Variants in BACE1 observed in about 807,000 individuals in gnomAD.
BACE1 encodes the protein beta-secretase 1.
Under a neutral mutation model 54.0 loss-of-function variants are expected in BACE1, and 21 were observed. That is an observed-to-expected ratio of 0.39 (90% CI 0.28 to 0.56). BACE1 has a LOEUF of 0.56. BACE1 is among the 20% of genes least tolerant of loss of function. BACE1 has a pLI of 0.63. For missense variants in BACE1, 511 were observed against 661.2 expected (o/e 0.77, Z 2.49); for synonymous variants, 232 against 260.9 (o/e 0.89, Z 1.07).
intron 6 of BACE1, 41 bp from the exon 7 acceptor site, chr11:117,291,090 T>TTTATCATCTCGCCCC (rs779720135): frequency 7.5e-6 from 12 of 1,603,904 alleles, no homozygotes; most frequent in South Asian, 5.5e-5. Flanking sequence ...GAAAAGCCTC[T>TTTATCATCTCGCCCC]TTATCATCTC....
chr11:117,307,351 G>A (rs144489045), intron 1 of BACE1, among the ~76,000 whole-genome samples: 87 of 152,186 alleles, frequency 5.7e-4, no homozygotes, highest in Non-Finnish European at 6.8e-4. Flanking sequence ...TCCCCCTGTC[G>A]CCCAGGCTGG....
Position 117,295,360 on chromosome 11 carries a change from G to C in BACE1, c.351-13C>G, listed in dbSNP as rs748357887. 5 of 1,609,726 alleles carry C rather than the reference G, an allele frequency of 3.1e-6. No homozygotes were observed. The highest frequency in any genetic ancestry group is 1.7e-4 in the Middle Eastern group (1 of 6,046). ...GTATGTGCTGGACCTGTGGAAAGAA[G>C]GCAGAGATCTGTGGATGCATAACCA... On this transcript the variant is annotated splice_polypyrimidine_tract_variant and intron_variant, in intron 2 of 8. Transcript: ENST00000313005.
chr11:117,314,223 G>T (rs2035020413), intron 1 of BACE1, among the ~76,000 whole-genome samples: 1 of 152,182 alleles, frequency 6.6e-6, no homozygotes, highest in Non-Finnish European at 1.5e-5. Flanking sequence ...TTTGCTCAGG[G>T]CCTGGATTTG....
At position 117,286,558 on chromosome 11, in the gene BACE1, A is replaced by G. The variant is rs538659855; in HGVS notation, c.*3008T>C. ...GGGACCTAAAATGCTTACAGGTACT[A>G]GCAGTACATGTCGGATAGCAAAGAC... On this transcript the variant is annotated 3_prime_UTR_variant, in exon 9 of 9. Coordinates refer to ENST00000313005, the MANE Select transcript of BACE1 (RefSeq NM_012104.6). The G allele has an allele frequency of 6.5e-6, 1 of 152,766 alleles. No homozygotes were observed. Among genetic ancestry groups the G allele is most frequent in the Admixed American group, 6.5e-5 (1 of 15,294 alleles). The allele number at this position is 152,766 out of a possible 1,614,324, so 9.5% of individuals were successfully genotyped here.
chr11:117,313,416 G>A (rs1490118043), intron 1 of BACE1, among the ~76,000 whole-genome samples: 1 of 152,108 alleles, frequency 6.6e-6, no homozygotes, highest in East Asian at 1.9e-4. Context: ...GTACAGCAAT[G>A]GATACCCCGT....
rs1315137027 is a variant in BACE1, at chr11:117,289,333, G to A, written c.*233C>T. On this transcript the variant is annotated 3_prime_UTR_variant, in exon 9 of 9. Transcript: ENST00000313005. Reference sequence around the variant, plus strand: ...CGACTTAAATTTGAGGTGACCAAGAGTATTCCCGCCAGCAGAGTGCTTCTT... The same window carrying A: ...CGACTTAAATTTGAGGTGACCAAGAATATTCCCGCCAGCAGAGTGCTTCTT... The A allele has an allele frequency of 6.9e-6, 4 of 578,944 alleles. No homozygotes were observed. In the Admixed American group the frequency reaches 1.3e-4, roughly 18 times the overall value. The allele number at this position is 578,944 out of a possible 1,614,324, so 35.9% of individuals were successfully genotyped here.
At chr11:117,296,835 G>A (rs376591210) in intron 2 of BACE1, 38 bp downstream of exon 2, 185 of 1,507,088 alleles carry the variant, frequency 1.2e-4, no homozygotes, top group Non-Finnish European at 1.1e-4. Context: ...CTGGATCCTT[G>A]GAAAAGGTAC....
intron 5 of BACE1, 91 bp downstream of exon 5, chr11:117,292,963 G>A (rs751571471): frequency 6.7e-6 from 10 of 1,484,612 alleles, no homozygotes; most frequent in Non-Finnish European, 8.3e-6. Flanking sequence ...TATTACCTCT[G>A]CCTCATCCTC....
Position 117,306,037 on chromosome 11 carries a change from AAAAT to A in BACE1, c.262-9080_262-9077del, listed in dbSNP as rs534826950. Among the ~76,000 whole-genome samples the A allele has an allele frequency of 3.9e-5, 6 of 152,282 alleles. No individual in the cohort carries two copies. The East Asian group carries it at 9.7e-4, about 24-fold the overall frequency. ...GGCGACAGAGTGAGACTCCGTCTCAAAAATAAATAAATAAATAAAAATAAAAAAT... is the reference window on the plus strand; with the variant it reads ...GGCGACAGAGTGAGACTCCGTCTCAAAAATAAATAAATAAAAATAAAAAAT... On this transcript the variant is annotated intron_variant, in intron 1 of 8. Transcript: ENST00000313005.
rs765448293 is a variant in BACE1, at chr11:117,289,773, G to C, written c.1299C>G (p.Gly433=). ...HDEFRTAAVE[G]PFVTLDMEDC... ...CTTCCATGTCCAAGGTGACAAAAGG[G>C]CCTTCCACCGCTGCCGTCCTGAACT... The change falls in exon 9 of 9, where the codon GGC becomes GGG. Residue 433 remains glycine (G), a synonymous_variant. Coordinates refer to ENST00000313005, the MANE Select transcript of BACE1 (RefSeq NM_012104.6). 2.5e-6 allele frequency: 4 copies of C among 1,614,076 alleles called. No individual in the cohort carries two copies. In the African/African-American group the frequency reaches 5.3e-5, roughly 22 times the overall value.
chr11:117,291,005 C>T lies in BACE1; in HGVS notation c.987G>A (p.Val329=), dbSNP rs762601859. ...PDGFWLGEQL[V]CWQAGTTPWN... ...AAGGGGTGGTGCCTGCTTGCCAGCA[C>T]ACCAGCTGCTCTCCTAGCCAGAAAC... is the stretch of plus-strand genomic sequence containing the variant. Residue 329 remains valine, a synonymous_variant, in exon 7 of 9, where the codon GTG becomes GTA. Transcript: ENST00000313005. 8.7e-6 allele frequency: 14 copies of T among 1,614,230 alleles called. No homozygotes were observed. The South Asian group carries it at 1.1e-4, about 13-fold the overall frequency.
intron 1 of BACE1, among the ~76,000 whole-genome samples, chr11:117,300,220 A>ATAC (rs1470679686): frequency 6.6e-6 from 1 of 151,656 alleles, no homozygotes; most frequent in Admixed American, 6.6e-5. Flanking sequence ...ACCCACCCCA[A>ATAC]TACTACGATT....
In BACE1 at chr11:117,296,911, G is replaced by A. The variant is rs2034614095; in HGVS notation, c.312C>T (p.Ala104=). The A allele has an allele frequency of 1.2e-6, 2 of 1,613,658 alleles. No individual in the cohort carries two copies. The highest frequency in any genetic ancestry group is 2.7e-5 in the African/African-American group (2 of 74,898). The part of the protein sequence containing the change: ...TGSSNFAVGA[A]PHPFLHRYYQ... The stretch of plus-strand genomic sequence containing the variant: ...AGTAGCGATGCAGGAAGGGGTGGGG[G>A]GCAGCACCCACTGCAAAGTTACTGC... Residue 104 remains alanine (A), a synonymous_variant, in exon 2 of 9, where the codon GCC becomes GCT. Coordinates refer to ENST00000313005, the MANE Select transcript of BACE1 (RefSeq NM_012104.6).
intron 5 of BACE1, chr11:117,292,808 G>T: frequency 4.9e-6 from 2 of 411,136 alleles, no homozygotes; most frequent in Middle Eastern, 7.4e-4. Context: ...ACGAAGCAAG[G>T]CAGTGACTAG....
In BACE1 at chr11:117,285,964, T is replaced by G. The variant is rs2034249524; in HGVS notation, c.*3602A>C. 6.6e-6 allele frequency: 1 copy of G among 152,552 alleles called. No individual in the cohort carries two copies. The highest frequency in any genetic ancestry group is 1.5e-5 in the Non-Finnish European group (1 of 68,020). The allele number at this position is 152,552 out of a possible 1,614,324, so 9.4% of individuals were successfully genotyped here. A position where few individuals can be genotyped will look rare whatever the true frequency, so the allele number is the denominator to read the frequency against. ...TAATCAAGCTCTGACAGGCCAACAT[T>G]GTGAAGTCCTCACCCTTTCCCATTC... On this transcript the variant is annotated 3_prime_UTR_variant, in exon 9 of 9. Coordinates refer to ENST00000313005, the MANE Select transcript of BACE1 (RefSeq NM_012104.6).
In BACE1 at chr11:117,293,019, C is replaced by T; in HGVS notation, c.840+35G>A. On this transcript the variant is annotated intron_variant, in intron 5 of 8. Transcript: ENST00000313005. The surrounding 1 kb of genome is among the most constrained non-coding windows in gnomAD (Gnocchi z 4.1). ...TTCCTTCACATTGTACTGCCTACCC[C>T]CTTATGTTCCCAGGCTCTCCCTTGG... 2 of 1,610,560 alleles carry T rather than the reference C, an allele frequency of 1.2e-6. No homozygotes were observed. Among genetic ancestry groups the T allele is most frequent in the Middle Eastern group, 1.7e-4 (1 of 6,044 alleles).
intron 1 of BACE1, among the ~76,000 whole-genome samples, chr11:117,305,558 T>C (rs1201790412): frequency 6.6e-6 from 1 of 151,372 alleles, no homozygotes; most frequent in Non-Finnish European, 1.5e-5. Context: ...GGAGTCCCAA[T>C]GTGGCTGGGT....
chr11:117,300,128 G>A (rs1409298099), intron 1 of BACE1, among the ~76,000 whole-genome samples: 1 of 151,820 alleles, frequency 6.6e-6, no homozygotes. Context: ...TGTCCTTCCA[G>A]CCCCAGCCTT....
intron 2 of BACE1, 129 bp downstream of exon 2, chr11:117,296,744 C>G (rs530418373): frequency 2.9e-6 from 2 of 689,490 alleles, no homozygotes; most frequent in Non-Finnish European, 4.8e-6. Flanking sequence ...GTCTTTTTTT[C>G]GCCCTTCCCC....
Sources: gnomAD v4.1 joint callset for allele counts (sites outside exome capture counted in the v4.1 genomes callset) on GRCh38, gnomAD v4.1.1 for gene constraint, Gnocchi (gnomAD v3.1) non-coding constraint, MANE v1.5 for transcripts, NCBI Gene and HGNC (gene_info 2026-07-23, HGNC 2026-07-21) for gene names.